Variants in TG observed in about 807,000 individuals in gnomAD.
TG encodes thyroid hormones.
In TG, 270 loss-of-function variants were observed where a neutral mutation model predicts 324.7. That is an observed-to-expected ratio of 0.83 (90% CI 0.75 to 0.92). The LOEUF (loss-of-function observed/expected upper bound fraction) is 0.92. Ranked by LOEUF, TG falls within the 40% of genes least tolerant of loss-of-function variation. TG has a pLI of 0.00. For missense variants in TG, 3,591 were observed against 3,456.4 expected, an observed-to-expected ratio of 1.04 and a Z score of -0.98; for synonymous variants, 1,401 against 1,327.0, an observed-to-expected ratio of 1.06 and a Z score of -1.21.
chr8:133,069,701 T>A (rs560433015), intron 41 of TG, among the ~76,000 whole-genome samples: 1 of 151,882 alleles, frequency 6.6e-6, no homozygotes, highest in East Asian at 1.9e-4. Context: ...AAGGGAACAG[T>A]TAGAAACAGA....
intron 45 of TG, among the ~76,000 whole-genome samples, chr8:133,130,865 T>C (rs940613669): frequency 4.7e-5 from 7 of 149,710 alleles, no homozygotes; most frequent in Non-Finnish European, 8.8e-5. Flanking sequence ...TTCATCCCAC[T>C]GTGAGGAGAA....
At chr8:132,960,069 A>C (rs540463119) in intron 27 of TG, among the ~76,000 whole-genome samples, 1 of 152,194 alleles carries the variant, frequency 6.6e-6, no homozygotes, top group Non-Finnish European at 1.5e-5. Flanking sequence ...TCATTAGGAC[A>C]AATACCTAAT....
chr8:133,112,670 C>T (rs2958681), intron 43 of TG, among the ~76,000 whole-genome samples: 47,349 of 151,934 alleles, frequency 0.31, 8,027 homozygotes, highest in African/African-American at 0.43. Context: ...AAAAGTTGCG[C>T]CCATCTGGAC....
Position 132,897,699 on chromosome 8 carries a change from G to T in TG, c.3052G>T (p.Ala1018Ser), listed in dbSNP as rs1292027913. The T allele has an allele frequency of 1.2e-6, 2 of 1,614,240 alleles. No individual in the cohort carries two copies. The highest frequency in any genetic ancestry group is 1.7e-6 in the Non-Finnish European group (2 of 1,180,050). Reference protein sequence around the residue: ...RRFSPDDSAGASALLRSGPYM... With the variant: ...RRFSPDDSAGSSALLRSGPYM... ...CTTTTCCCCGGACGACTCGGCTGGA[G>T]CATCCGCCCTTCTGCGGTCGGGCCC... The change falls in exon 12 of 48, where the codon GCA becomes TCA. Residue 1018 changes from alanine to serine, a missense_variant. Ala to Ser is a moderately conservative substitution (Grantham distance 99). Coordinates refer to ENST00000220616, the MANE Select transcript of TG (RefSeq NM_003235.5).
intron 41 of TG, among the ~76,000 whole-genome samples, chr8:133,044,159 A>C (rs1206179854): frequency 6.6e-6 from 1 of 152,132 alleles, no homozygotes; most frequent in Non-Finnish European, 1.5e-5. Flanking sequence ...GAGCTTCCTG[A>C]GTGGGTTTTT....
intron 41 of TG, among the ~76,000 whole-genome samples, chr8:133,072,658 C>T (rs1448467116): frequency 2.0e-5 from 3 of 152,186 alleles, no homozygotes; most frequent in African/African-American, 7.2e-5. Flanking sequence ...TCTATTAATG[C>T]AGGGCACTGA....
chr8:133,105,759 A>G (rs985457179), intron 43 of TG, among the ~76,000 whole-genome samples: 1 of 152,162 alleles, frequency 6.6e-6, no homozygotes, highest in Non-Finnish European at 1.5e-5. Context: ...ACAGGGTGGC[A>G]GCTGGGAGCC....
At chr8:133,106,018 A>T (rs534988182) in intron 43 of TG, among the ~76,000 whole-genome samples, 155 of 152,186 alleles carry the variant, frequency 1.0e-3, no homozygotes, top group Middle Eastern at 3.4e-3. Context: ...GAGCACCTGG[A>T]TGAAGCAGAT....
At chr8:133,083,427 T>C (rs1408755630) in intron 41 of TG, among the ~76,000 whole-genome samples, 1 of 152,230 alleles carries the variant, frequency 6.6e-6, no homozygotes, top group East Asian at 1.9e-4. Context: ...ATCCCTATTT[T>C]ACATTAGGGG....
rs748921152 is a variant in TG at position 132,948,863 on chromosome 8, A to C, written c.5321A>C (p.Asn1774Thr). The C allele has an allele frequency of 3.1e-6, 5 of 1,614,016 alleles. No individual in the cohort carries two copies. Among genetic ancestry groups the C allele is most frequent in the Admixed American group, 1.7e-5 (1 of 59,996 alleles). ...ATGGATCCCTCTGAAGCCTGGGCTA[A>C]TGCTACATGTCCTGGTGTGACATAT... Reference protein sequence around the residue: ...DWMDPSEAWANATCPGVTYDQ... With the variant: ...DWMDPSEAWATATCPGVTYDQ... The change falls in exon 27 of 48, where the codon AAT becomes ACT. Residue 1774 changes from asparagine (N) to threonine (T), a missense_variant. By Grantham distance (65) the Asn-to-Thr change is moderately conservative. Coordinates refer to ENST00000220616, the MANE Select transcript of TG (RefSeq NM_003235.5).
intron 41 of TG, among the ~76,000 whole-genome samples, chr8:133,052,328 T>C (rs912023938): frequency 1.3e-5 from 2 of 152,226 alleles, no homozygotes; most frequent in African/African-American, 4.8e-5. Context: ...TATTGTTCAT[T>C]TGGGGAAGCT....
At position 132,880,224 on chromosome 8, in the gene TG, G is replaced by A. The variant is rs532095730; in HGVS notation, c.639-1639G>A. 3.3e-5 allele frequency among the ~76,000 whole-genome samples: 5 copies of A among 152,322 alleles called. No individual in the cohort carries two copies. The South Asian group carries it at 1.0e-3, about 32-fold the overall frequency. On this transcript the variant is annotated intron_variant, in intron 5 of 47. Coordinates refer to ENST00000220616, the MANE Select transcript of TG (RefSeq NM_003235.5). ...GTTTGAACCCTAGTTCTCACCACTA[G>A]TTCAAGACAGTGGCCCATATACCTC... is the stretch of plus-strand genomic sequence containing the variant.
At chr8:132,995,610 G>T (rs1832798054) in intron 35 of TG, 2 of 795,236 alleles carry the variant, frequency 2.5e-6, no homozygotes, top group African/African-American at 1.9e-5. Context: ...TGAAAGAGGA[G>T]TTCAGATGCT....
intron 31 of TG, among the ~76,000 whole-genome samples, 164 bp from the exon 32 acceptor site, chr8:132,969,294 G>C (rs1413524331): frequency 6.6e-6 from 1 of 151,970 alleles, no homozygotes; most frequent in African/African-American, 2.4e-5. Context: ...CTGTGGACTT[G>C]CCATCATTTT....
At chr8:132,961,990 A>G (rs944373016) in intron 28 of TG, among the ~76,000 whole-genome samples, 1 of 152,100 alleles carries the variant, frequency 6.6e-6, no homozygotes, top group Non-Finnish European at 1.5e-5. Context: ...TAGATTCCCC[A>G]TGGGTAACGT....
intron 18 of TG, 120 bp from the exon 19 acceptor site, chr8:132,911,257 G>A (rs1007486193): frequency 1.3e-6 from 2 of 1,575,564 alleles, no homozygotes; most frequent in African/African-American, 2.7e-5. Context: ...ACCCCCTGAA[G>A]TAGGGTTGGT....
At position 132,871,405 on chromosome 8, in the gene TG, G is replaced by A. The variant is rs771491374; in HGVS notation, c.332G>A (p.Ser111Asn). Residue 111 changes from serine to asparagine, a missense_variant, in exon 4 of 48, where the codon AGC becomes AAC. Ser to Asn is a conservative substitution (Grantham distance 46). Transcript: ENST00000220616. Reference protein sequence around the residue: ...QQILLSGYINSTDTSYLPQCQ... With the variant: ...QQILLSGYINNTDTSYLPQCQ... ...ATCTTACTGAGTGGCTACATTAACA[G>A]CACAGACACCTCCTACCTCCCTCAG... is the stretch of plus-strand genomic sequence containing the variant. The A allele has an allele frequency of 6.2e-7, 1 of 1,614,080 alleles. No individual in the cohort carries two copies. The highest frequency in any genetic ancestry group is 1.3e-5 in the African/African-American group (1 of 74,932).
intron 45 of TG, among the ~76,000 whole-genome samples, chr8:133,118,633 T>TTTTTTA (rs1850900617): frequency 1.3e-5 from 2 of 152,146 alleles, no homozygotes; most frequent in Non-Finnish European, 2.9e-5. Flanking sequence ...CCCTGACTCT[T>TTTTTTA]GCATTTTTAT....
At chr8:133,013,883 G>A (rs3779966) in intron 37 of TG, 119 bp downstream of exon 37, 324,046 of 1,293,316 alleles carry the variant, frequency 0.25, 41,084 homozygotes, top group Non-Finnish European at 0.26. Flanking sequence ...TCTGGGCTAG[G>A]TGGCACTCAC....
Sources: allele counts gnomAD v4.1 joint callset (sites outside exome capture counted in the v4.1 genomes callset), GRCh38; gene constraint gnomAD v4.1.1; transcripts MANE v1.5; gene names NCBI Gene and HGNC (gene_info 2026-07-23, HGNC 2026-07-21).